Variants in DAB1 observed in about 807,000 individuals in gnomAD.
DAB1 encodes DAB adaptor protein 1.
Under a neutral mutation model 64.6 loss-of-function variants are expected in DAB1, and 15 were observed. The observed-to-expected ratio is 0.23, with a 90% confidence interval of 0.16 to 0.36. The LOEUF is 0.36. Among genes scored for constraint, DAB1 ranks in the 10% least tolerant of loss-of-function variants. The pLI is 1.00. For synonymous variants in DAB1, 235 were observed against 251.9 expected, an observed-to-expected ratio of 0.93 and a Z score of 0.64; for missense variants, 596 against 706.7, an observed-to-expected ratio of 0.84 and a Z score of 1.78.
At chr1:57,549,520 G>C (rs903438482) in intron 7 of DAB1, among the ~76,000 whole-genome samples, 2 of 152,106 alleles carry the variant, frequency 1.3e-5, no homozygotes. Flanking sequence ...AAGTCAGATG[G>C]GCACAGCTCC....
intron 5 of DAB1, among the ~76,000 whole-genome samples, chr1:57,991,444 A>G (rs538223180): frequency 3.3e-5 from 5 of 152,142 alleles, no homozygotes; most frequent in Admixed American, 2.6e-4. Context: ...CCCCTGAGTC[A>G]CCTCCTGGGC....
At chr1:57,626,157 C>T (rs1200684410) in intron 7 of DAB1, among the ~76,000 whole-genome samples, 5 of 151,986 alleles carry the variant, frequency 3.3e-5, no homozygotes, top group African/African-American at 9.7e-5. Context: ...CTTGCTTCCA[C>T]AAATCTGCAT....
At chr1:57,386,387 A>AAG (rs1558285834) in intron 1 of DAB1, among the ~76,000 whole-genome samples, 1 of 99,420 alleles carries the variant, frequency 1.0e-5, no homozygotes, top group Admixed American at 9.5e-5. Flanking sequence ...AAAAAAAAAA[A>AAG]CCCGTCTTTT....
chr1:58,221,065 T>G (rs1043228729), intron 4 of DAB1, among the ~76,000 whole-genome samples: 3 of 151,126 alleles, frequency 2.0e-5, no homozygotes, highest in Non-Finnish European at 4.4e-5. Context: ...GTACTGTTGT[T>G]GATGGGTCTT....
chr1:57,220,840 G>T (rs181186920), intron 2 of DAB1, among the ~76,000 whole-genome samples: 1 of 152,174 alleles, frequency 6.6e-6, no homozygotes, highest in Admixed American at 6.5e-5. Context: ...ACAGTGTGGC[G>T]ATTCCTCAAG....
chr1:57,163,377 T>A (rs939306730), intron 2 of DAB1, among the ~76,000 whole-genome samples: 1 of 152,042 alleles, frequency 6.6e-6, no homozygotes, highest in Non-Finnish European at 1.5e-5. Flanking sequence ...AGGGCAGTCA[T>A]GCCAGGAGGG....
At chr1:57,514,140 T>C (rs763502051) in intron 7 of DAB1, among the ~76,000 whole-genome samples, 7 of 152,256 alleles carry the variant, frequency 4.6e-5, no homozygotes, top group Non-Finnish European at 1.0e-4. Context: ...ACTGCTATGA[T>C]AAACATAGAA....
rs1359015783 is a variant in DAB1, at chr1:56,997,019, A to G, written c.*1125T>C. 1 of 152,152 alleles carries G rather than the reference A, an allele frequency of 6.6e-6. No homozygotes were observed. The highest frequency in any genetic ancestry group is 1.9e-4 in the East Asian group (1 of 5,194). 9.4% of individuals were successfully genotyped at this position (152,152 alleles called of 1,614,324 possible). ...AATTTTCTGATGTACAAAAAGAGAT[A>G]GAGATGAACCATTTGGACCACAGAA... On this transcript the variant is annotated 3_prime_UTR_variant, in exon 15 of 15. Transcript: ENST00000371236.
chr1:57,967,740 TTAAA>T (rs34667338), intron 5 of DAB1, among the ~76,000 whole-genome samples: 54,142 of 151,768 alleles, frequency 0.36, 10,807 homozygotes, highest in Admixed American at 0.47. Flanking sequence ...TAAATTGTAC[TTAAA>T]TAAATTAACA....
intron 1 of DAB1, among the ~76,000 whole-genome samples, chr1:57,384,491 T>C (rs1681641809): frequency 6.6e-6 from 1 of 152,184 alleles, no homozygotes; most frequent in Admixed American, 6.5e-5. Context: ...TTATTCACAA[T>C]AGCCAAAAGG....
At chr1:58,028,300 T>G (rs1021937582) in intron 5 of DAB1, among the ~76,000 whole-genome samples, 1 of 152,240 alleles carries the variant, frequency 6.6e-6, no homozygotes, top group Non-Finnish European at 1.5e-5. Context: ...TTTTATGTGT[T>G]TCTGTTTAAA....
intron 5 of DAB1, among the ~76,000 whole-genome samples, chr1:57,979,566 T>C (rs975427549): frequency 6.6e-6 from 1 of 152,150 alleles, no homozygotes; most frequent in Non-Finnish European, 1.5e-5. Flanking sequence ...AGTATAATTT[T>C]AAAAATAGAA....
intron 4 of DAB1, among the ~76,000 whole-genome samples, chr1:57,075,115 A>C (rs1164529624): frequency 6.6e-6 from 1 of 152,182 alleles, no homozygotes; most frequent in Non-Finnish European, 1.5e-5. Context: ...TATTAAATCA[A>C]AGTTTGATGA....
At chr1:57,408,368 C>T (rs1683827268) in intron 1 of DAB1, among the ~76,000 whole-genome samples, 1 of 152,120 alleles carries the variant, frequency 6.6e-6, no homozygotes, top group African/African-American at 2.4e-5. Context: ...AGGTGACACC[C>T]CGTAATGTAA....
chr1:57,426,800 C>G (rs910077928), upstream of DAB1, among the ~76,000 whole-genome samples: 3 of 151,790 alleles, frequency 2.0e-5, no homozygotes, highest in African/African-American at 7.3e-5. Context: ...AATTCTCAAC[C>G]CTACAATGGT....
intron 3 of DAB1, among the ~76,000 whole-genome samples, chr1:58,369,328 C>T (rs188618536): frequency 6.6e-6 from 1 of 152,102 alleles, no homozygotes; most frequent in African/African-American, 2.4e-5. Context: ...AAGATAATAC[C>T]ATTGCTTTAA....
intron 3 of DAB1, among the ~76,000 whole-genome samples, chr1:58,388,530 G>C (rs1337442973): frequency 1.3e-5 from 2 of 152,210 alleles, no homozygotes; most frequent in African/African-American, 2.4e-5. Context: ...CAAATGCTTA[G>C]AATGTCAGAG....
At chr1:57,218,282 T>C (rs1416955024) in intron 2 of DAB1, among the ~76,000 whole-genome samples, 1 of 152,174 alleles carries the variant, frequency 6.6e-6, no homozygotes, top group Non-Finnish European at 1.5e-5. Flanking sequence ...ATCTTCAGTA[T>C]ACTGGCCTCT....
intron 5 of DAB1, 135 bp from the exon 6 acceptor site, chr1:57,071,776 C>A (rs757474068): frequency 6.4e-5 from 55 of 857,018 alleles, no homozygotes; most frequent in Non-Finnish European, 9.2e-5. Context: ...TTAATTAATT[C>A]TTTGTTTATA....
Sources: allele counts gnomAD v4.1 joint callset (sites outside exome capture counted in the v4.1 genomes callset), GRCh38; gene constraint gnomAD v4.1.1; transcripts MANE v1.5; gene names NCBI Gene and HGNC (gene_info 2026-07-23, HGNC 2026-07-21).